The following DST variants were observed in gnomAD, a reference collection of about 807,000 sequenced individuals.
DST encodes the protein dystonin, also known as bullous pemphigoid antigen.
In DST, 253 loss-of-function variants were observed where a neutral mutation model predicts 875.2. The observed-to-expected ratio is 0.29, with a 90% confidence interval of 0.26 to 0.32. The LOEUF (loss-of-function observed/expected upper bound fraction) is 0.32. Ranked by LOEUF, DST falls within the 10% of genes least tolerant of loss-of-function variation. DST has a pLI of 1.00. For synonymous variants in DST, 3,124 were observed against 3,197.1 expected (o/e 0.98, Z 0.77); for missense variants, 8,287 against 9,111.6 (o/e 0.91, Z 3.68).
intron 13 of DST, among the ~76,000 whole-genome samples, chr6:56,646,423 A>G (rs527815962): frequency 6.6e-6 from 1 of 152,312 alleles, no homozygotes; most frequent in African/African-American, 2.4e-5. Flanking sequence ...GGGGATCTGG[A>G]TAATAATAAA....
chr6:56,931,698 C>T (rs1020085590), intron 2 of DST, among the ~76,000 whole-genome samples: 3 of 152,214 alleles, frequency 2.0e-5, no homozygotes, highest in Non-Finnish European at 2.9e-5. Context: ...CCTGGAGTCA[C>T]AGAAGATCAT....
At chr6:56,820,709 G>A (rs2099772106) in intron 4 of DST, among the ~76,000 whole-genome samples, 2 of 151,776 alleles carry the variant, frequency 1.3e-5, no homozygotes, top group African/African-American at 4.8e-5. Context: ...CCAAATAGCT[G>A]GTTGCCAAAT....
chr6:56,872,198 CTG>C (rs1422619950), intron 3 of DST, among the ~76,000 whole-genome samples: 2 of 152,078 alleles, frequency 1.3e-5, no homozygotes, highest in African/African-American at 4.8e-5. Context: ...AATGAGCAAA[CTG>C]TGGTATAGTC....
chr6:56,676,105 C>T (rs1023198033), intron 9 of DST, among the ~76,000 whole-genome samples: 1 of 152,076 alleles, frequency 6.6e-6, no homozygotes. Context: ...CTCGCTCTGT[C>T]GCCCAGGCTG....
Position 56,610,504 on chromosome 6 carries a change from A to C in DST, c.5206T>G (p.Tyr1736Asp). 2 of 1,566,606 alleles carry C rather than the reference A, an allele frequency of 1.3e-6. No individual in the cohort carries two copies. The highest frequency in any genetic ancestry group is 1.7e-6 in the Non-Finnish European group (2 of 1,154,176). The change falls in exon 39 of 104, where the codon TAT (tyrosine) becomes GAT (aspartate). Residue 1736 changes from tyrosine (Y) to aspartate (D), a missense_variant. This residue lies in a region of DST where 3,138 missense variants were observed against 3,116.6 expected (regional missense o/e 1.01). Coordinates refer to ENST00000680361, the MANE Select transcript of DST (RefSeq NM_001374736.1). ...EKQVKTLQES[Y>D]NLLFSESLKQ... ...AGAGATTCACTGAATAATAAATTATAACTTTCCTGAAGAGTTTTCACTTGT... is the reference window on the plus strand; with the variant it reads ...AGAGATTCACTGAATAATAAATTATCACTTTCCTGAAGAGTTTTCACTTGT...
rs774502201 is a variant in DST, at chr6:56,518,993, C to T, written c.18130-1373G>A. Reference sequence around the variant, plus strand: ...AGTACATTAGCTTTTCTCTGTTCTTCGTGGTAAGTACACCTACAAATCCCA... The same window carrying T: ...AGTACATTAGCTTTTCTCTGTTCTTTGTGGTAAGTACACCTACAAATCCCA... On this transcript the variant is annotated intron_variant, in intron 69 of 103. Coordinates refer to ENST00000680361, the MANE Select transcript of DST (RefSeq NM_001374736.1). 2.2e-4 allele frequency among the ~76,000 whole-genome samples: 33 copies of T among 152,204 alleles called. 1 individual carries two copies. Among genetic ancestry groups the T allele is most frequent in the Middle Eastern group, 3.4e-3 (1 of 294 alleles).
intron 9 of DST, among the ~76,000 whole-genome samples, chr6:56,671,704 CCAA>C (rs1296005817): frequency 8.5e-5 from 13 of 152,166 alleles, no homozygotes; most frequent in Admixed American, 1.3e-4. Context: ...ATTAACACCA[CCAA>C]CAACTGTTCC....
At chr6:56,623,985 G>A (rs192343724) in intron 36 of DST, among the ~76,000 whole-genome samples, 37 of 148,978 alleles carry the variant, frequency 2.5e-4, no homozygotes, top group Middle Eastern at 3.5e-3. Flanking sequence ...ATATCTTTTT[G>A]CAAAAAAAAA....
In DST at chr6:56,509,671, C is replaced by T. The variant is rs2152473743; in HGVS notation, c.18983G>A (p.Gly6328Glu). ...GGCAGATATGTCTTTATCAGTCCCC[C>T]CAGATCTAGCAATCATTTCCTCTCC... ...QRGEEMIARS[G>E]GTDKDISAKA... The change falls in exon 74 of 104, where the codon GGG (glycine) becomes GAG (glutamate). Residue 6328 changes from glycine (G) to glutamate (E), a missense_variant. By Grantham distance (98) the Gly-to-Glu change is moderately conservative. This residue lies in a region of DST where 1,292 missense variants were observed against 1,552.7 expected (regional missense o/e 0.83). Coordinates refer to ENST00000680361, the MANE Select transcript of DST (RefSeq NM_001374736.1). 1 of 1,613,564 alleles carries T rather than the reference C, an allele frequency of 6.2e-7. No individual in the cohort carries two copies. Among genetic ancestry groups the T allele is most frequent in the Non-Finnish European group, 8.5e-7 (1 of 1,179,614 alleles).
chr6:56,573,957 A>G (rs2097821228), intron 50 of DST, 70 bp from the exon 51 acceptor site: 4 of 1,086,162 alleles, frequency 3.7e-6, no homozygotes, highest in Non-Finnish European at 5.3e-6. Flanking sequence ...AAAACACATG[A>G]AGGTGAATCA....
intron 5 of DST, among the ~76,000 whole-genome samples, chr6:56,733,338 TAA>T (rs536757282): frequency 3.2e-4 from 49 of 152,206 alleles, no homozygotes; most frequent in African/African-American, 1.2e-3. Context: ...CTTGATGTAA[TAA>T]AAAGAGACAC....
chr6:56,677,222 C>T (rs144109836), intron 9 of DST, among the ~76,000 whole-genome samples: 14 of 152,206 alleles, frequency 9.2e-5, no homozygotes, highest in East Asian at 7.7e-4. Context: ...ATCACAGCGC[C>T]GCCACATAGA....
chr6:56,639,337 C>T lies in DST; in HGVS notation c.2886G>A (p.Lys962=). The part of the protein sequence containing the change: ...HAELMRELDQ[K]EENIKSVQEI... ...CCTGAACTGATTTAATATTTTCTTC[C>T]TTTTGATCAAGTTCTCTCATTAATT... is the stretch of plus-strand genomic sequence containing the variant. Residue 962 remains lysine (K), a synonymous_variant, in exon 22 of 104, where the codon AAG becomes AAA. Transcript: ENST00000680361. 6.2e-7 allele frequency: 1 copy of T among 1,613,566 alleles called. No individual in the cohort carries two copies. The highest frequency in any genetic ancestry group is 8.5e-7 in the Non-Finnish European group (1 of 1,179,806).
chr6:56,921,090 T>TAAA (rs975300110), intron 2 of DST, among the ~76,000 whole-genome samples: 1 of 151,892 alleles, frequency 6.6e-6, no homozygotes, highest in Admixed American at 6.6e-5. Flanking sequence ...ATAAAGGTGA[T>TAAA]ATTTGAACAA....
At chr6:56,789,705 T>G (rs187752355) in intron 4 of DST, among the ~76,000 whole-genome samples, 121 of 152,356 alleles carry the variant, frequency 7.9e-4, no homozygotes, top group African/African-American at 2.9e-3. Flanking sequence ...ATACAATATT[T>G]GTCTTTCTGT....
Position 56,562,147 on chromosome 6 carries a change from C to T in DST, c.14059G>A (p.Ala4687Thr). 1 of 1,547,104 alleles carries T rather than the reference C, an allele frequency of 6.5e-7. No homozygotes were observed. Among genetic ancestry groups the T allele is most frequent in the Non-Finnish European group, 8.7e-7 (1 of 1,144,126 alleles). The change falls in exon 56 of 104, where the codon GCA (alanine) becomes ACA (threonine). Residue 4687 changes from alanine (A) to threonine (T), a missense_variant. Ala to Thr is a moderately conservative substitution (Grantham distance 58). Coordinates refer to ENST00000680361, the MANE Select transcript of DST (RefSeq NM_001374736.1). ...TAAAATTAATACTCACCTTTATTTG[C>T]CCAAAATTCCTCAGTATTTGTGGCT... The part of the protein sequence containing the change: ...GTATNTEEFW[A>T]NKGLTSIKKD...
At chr6:56,840,018 A>G (rs1218285068) in intron 4 of DST, among the ~76,000 whole-genome samples, 1 of 152,212 alleles carries the variant, frequency 6.6e-6, no homozygotes, top group Non-Finnish European at 1.5e-5. Flanking sequence ...CTTCCAGATC[A>G]ATAGAAAAAT....
At chr6:56,633,357 G>A (rs2098798714) in intron 27 of DST, among the ~76,000 whole-genome samples, 1 of 149,460 alleles carries the variant, frequency 6.7e-6, no homozygotes. Flanking sequence ...CTCCCAAGTA[G>A]CTGGGACTAC....
At chr6:56,910,412 C>T (rs112222550) in intron 2 of DST, among the ~76,000 whole-genome samples, 2,571 of 152,330 alleles carry the variant, frequency 0.017, 76 homozygotes, top group African/African-American at 0.058. Flanking sequence ...CCACCTGAGC[C>T]TCCCAAAGTG....
Sources: allele counts gnomAD v4.1 joint callset (sites outside exome capture counted in the v4.1 genomes callset), GRCh38; gene constraint gnomAD v4.1.1; regional missense constraint gnomAD v4.1.1; transcripts MANE v1.5; gene names NCBI Gene and HGNC (gene_info 2026-07-23, HGNC 2026-07-21).